The following CTCF variants were observed in gnomAD, a reference collection of about 807,000 sequenced individuals.
CTCF encodes transcriptional repressor CTCF.
CTCF carries 7 observed loss-of-function variants against 72.3 expected under a neutral mutation model. The observed-to-expected ratio is 0.10, with a 90% confidence interval of 0.06 to 0.18. The LOEUF is 0.18. Ranked by LOEUF, CTCF falls within the 10% of genes least tolerant of loss-of-function variation. The pLI is 1.00. For synonymous variants in CTCF, 374 were observed against 315.8 expected (o/e 1.18, Z -1.95); for missense variants, 516 against 949.1 (o/e 0.54, Z 6.00).
chr16:67,617,189 C>A (rs1383633837), intron 5 of CTCF, among the ~76,000 whole-genome samples: 1 of 151,384 alleles, frequency 6.6e-6, no homozygotes, highest in Admixed American at 6.6e-5. Context: ...TGGAGAAACC[C>A]GATCTGTACT....
intron 2 of CTCF, among the ~76,000 whole-genome samples, chr16:67,590,528 A>G (rs2051727911): frequency 1.3e-5 from 2 of 151,928 alleles, no homozygotes; most frequent in Admixed American, 6.6e-5. Context: ...TAGTAGAGAC[A>G]GGGTTTCACT....
At position 67,637,826 on chromosome 16, in the gene CTCF, A is replaced by G. The variant is rs1336970317; in HGVS notation, c.2138A>G (p.Asn713Ser). The G allele has an allele frequency of 6.2e-7, 1 of 1,612,526 alleles. No individual in the cohort carries two copies. Among genetic ancestry groups the G allele is most frequent in the African/African-American group, 1.3e-5 (1 of 74,884 alleles). Residue 713 changes from asparagine (N) to serine (S), a missense_variant, in exon 12 of 12, where the codon AAC (asparagine) becomes AGC (serine). Physicochemically the swap from Asn to Ser is conservative, Grantham distance 46 (BLOSUM62 1). Coordinates refer to ENST00000264010, the MANE Select transcript of CTCF (RefSeq NM_006565.4). ...EAQPAATDAPNGDLTPEMILS... is the reference protein window; with the variant it reads ...EAQPAATDAPSGDLTPEMILS... ...CAGCCAGCTGCCACAGATGCCCCCA[A>G]CGGAGACCTCACGCCCGAGATGATC...
At chr16:67,585,801 A>G (rs1454418616) in intron 2 of CTCF, among the ~76,000 whole-genome samples, 2 of 152,126 alleles carry the variant, frequency 1.3e-5, no homozygotes, top group Non-Finnish European at 2.9e-5. Flanking sequence ...TATCTCTTAT[A>G]TCTTTCTACT....
chr16:67,588,607 A>G (rs891647236), intron 2 of CTCF, among the ~76,000 whole-genome samples: 5 of 152,218 alleles, frequency 3.3e-5, no homozygotes, highest in African/African-American at 9.6e-5. Context: ...GTTGACTCAC[A>G]GATGAGCATT....
chr16:67,634,636 G>A lies in CTCF; in HGVS notation c.1838-2054G>A, dbSNP rs367711400. On this transcript the variant is annotated intron_variant, in intron 10 of 11. Coordinates refer to ENST00000264010, the MANE Select transcript of CTCF (RefSeq NM_006565.4). Reference sequence around the variant, plus strand: ...TGGCTTAAGCAGGCCTCTTGCCTCCGTCTCTTGAGTAGCTGGGACTACAGA... The same window carrying A: ...TGGCTTAAGCAGGCCTCTTGCCTCCATCTCTTGAGTAGCTGGGACTACAGA... Among the ~76,000 whole-genome samples, 10 of 148,702 alleles carry A rather than the reference G, an allele frequency of 6.7e-5. No homozygotes were observed. The South Asian group carries it at 1.3e-3, about 19-fold the overall frequency.
chr16:67,629,745 C>CTTTTT lies in CTCF; in HGVS notation c.1837+212_1837+213insTTTTT, dbSNP rs1567616725. ...TTCGTGGCATTCCGCTCATTAATGC[C>CTTTTT]CTTTTTTTTTTTTTTTTTTTTTTTT... is the stretch of plus-strand genomic sequence containing the variant. On this transcript the variant is annotated intron_variant, in intron 10 of 11. Transcript: ENST00000264010. Among the ~76,000 whole-genome samples the CTTTTT allele has an allele frequency of 6.2e-4, 53 of 85,062 alleles. 2 individuals are homozygous for CTTTTT. The highest frequency in any genetic ancestry group is 9.0e-4 in the Non-Finnish European group (39 of 43,560). The allele number at this position is 85,062 out of a possible 152,430, so 55.8% of individuals were successfully genotyped here.
chr16:67,585,534 C>T (rs2051658312), intron 2 of CTCF, among the ~76,000 whole-genome samples: 1 of 152,184 alleles, frequency 6.6e-6, no homozygotes, highest in African/African-American at 2.4e-5. Context: ...CAGAATCCTT[C>T]AATAATCTTT....
In CTCF at chr16:67,636,850, G is replaced by C. The variant is rs1275809540; in HGVS notation, c.1998G>C (p.Gln666His). 6.4e-7 allele frequency: 1 copy of C among 1,570,668 alleles called. No homozygotes were observed. The highest frequency in any genetic ancestry group is 8.7e-7 in the Non-Finnish European group (1 of 1,155,766). Residue 666 changes from glutamine (Q) to histidine (H), a missense_variant and splice_region_variant, in exon 11 of 12, where the codon CAG becomes CAC. Physicochemically the swap from Gln to His is conservative, Grantham distance 24. Around this residue, in one of 7 missense-constraint regions of CTCF, gnomAD observed 157 missense variants for 172.9 expected, o/e 0.91. Transcript: ENST00000264010. ...GAACCAACCAGCCCAAACAGAACCA[G>C]CGTAAGTTGTTCATCTCTGCTCTGG... ...PGRTNQPKQNQPTAIIQVEDQ... is the reference protein window; with the variant it reads ...PGRTNQPKQNHPTAIIQVEDQ...
At chr16:67,575,355 C>T (rs1344256512) in intron 2 of CTCF, among the ~76,000 whole-genome samples, 2 of 151,962 alleles carry the variant, frequency 1.3e-5, no homozygotes, top group African/African-American at 4.8e-5. Context: ...ATTTTAATCC[C>T]ATTAGGACTC....
rs765569053 is a variant in CTCF, at chr16:67,610,819, T to C, written c.-9-5T>C. On this transcript the variant is annotated splice_region_variant and splice_polypyrimidine_tract_variant and intron_variant, in intron 2 of 11. Coordinates refer to ENST00000264010, the MANE Select transcript of CTCF (RefSeq NM_006565.4). The stretch of plus-strand genomic sequence containing the variant: ...AATAACAATCTGTGTTCTCCCTTAA[T>C]AAAGGCAGGGGAAATGGAAGGTGAT... The C allele has an allele frequency of 4.4e-5, 64 of 1,456,402 alleles. No individual in the cohort carries two copies. Among genetic ancestry groups the C allele is most frequent in the Non-Finnish European group, 5.2e-5 (57 of 1,100,220 alleles). The allele number at this position is 1,456,402 out of a possible 1,614,324, so 90.2% of individuals were successfully genotyped here.
At chr16:67,581,505 A>T (rs2051582019) in intron 2 of CTCF, among the ~76,000 whole-genome samples, 1 of 151,146 alleles carries the variant, frequency 6.6e-6, no homozygotes, top group East Asian at 2.0e-4. Flanking sequence ...TTTTATTTTT[A>T]TTTTATTTAT....
At chr16:67,604,205 A>C (rs965203486) in intron 2 of CTCF, among the ~76,000 whole-genome samples, 4 of 151,962 alleles carry the variant, frequency 2.6e-5, no homozygotes, top group East Asian at 1.9e-4. Context: ...GCTACTTGGC[A>C]GACTGAGGCA....
chr16:67,597,341 CT>C (rs113177518), intron 2 of CTCF, among the ~76,000 whole-genome samples: 1,507 of 146,454 alleles, frequency 0.01, 25 homozygotes, highest in African/African-American at 0.034. Flanking sequence ...GCCACTAATG[CT>C]TTTTTTTTTT....
chr16:67,597,912 T>C (rs892418863), intron 2 of CTCF, among the ~76,000 whole-genome samples: 7 of 152,088 alleles, frequency 4.6e-5, no homozygotes, highest in Non-Finnish European at 1.0e-4. Context: ...CTTAGTGAGG[T>C]TTTTTAAATG....
intron 1 of CTCF, chr16:67,568,232 A>G (rs796644720): frequency 4.6e-5 from 7 of 151,826 alleles, no homozygotes; most frequent in African/African-American, 1.7e-4. Flanking sequence ...GGTGCCTGCC[A>G]CCGTGCCGAG....
chr16:67,600,911 A>G (rs893805839), intron 2 of CTCF, among the ~76,000 whole-genome samples: 2 of 152,192 alleles, frequency 1.3e-5, no homozygotes, highest in African/African-American at 4.8e-5. Context: ...TTGGTCCACA[A>G]AAAATATTTG....
chr16:67,602,203 C>G (rs944382900), intron 2 of CTCF, among the ~76,000 whole-genome samples: 15 of 152,122 alleles, frequency 9.9e-5, no homozygotes, highest in African/African-American at 3.6e-4. Flanking sequence ...TTTTCAAATT[C>G]ACACCAGAGA....
At chr16:67,612,297 G>A (rs947100053) in intron 4 of CTCF, 176 bp downstream of exon 4, 1 of 509,358 alleles carries the variant, frequency 2.0e-6, no homozygotes, top group Admixed American at 4.2e-5. Context: ...ATAGACAAAT[G>A]TAAAGAAAAT....
Position 67,629,746 on chromosome 16 carries a change from C to CTTTTTTTTTTTTTTTTTT in CTCF, c.1837+242_1837+259dup, listed in dbSNP as rs71145978. On this transcript the variant is annotated intron_variant, in intron 10 of 11. Transcript: ENST00000264010. ...TCGTGGCATTCCGCTCATTAATGCCCTTTTTTTTTTTTTTTTTTTTTTTTT... is the reference window on the plus strand; with the variant it reads ...TCGTGGCATTCCGCTCATTAATGCCCTTTTTTTTTTTTTTTTTTTTTTTTTTTTTTTTTTTTTTTTTTT... Among the ~76,000 whole-genome samples the CTTTTTTTTTTTTTTTTTT allele has an allele frequency of 1.7e-4, 11 of 63,364 alleles. 4 individuals carry two copies. Among genetic ancestry groups the CTTTTTTTTTTTTTTTTTT allele is most frequent in the Non-Finnish European group, 2.1e-4 (7 of 34,120 alleles). 41.6% of individuals were successfully genotyped at this position (63,364 alleles called of 152,430 possible).
Sources: allele counts gnomAD v4.1 joint callset (sites outside exome capture counted in the v4.1 genomes callset), GRCh38; gene constraint gnomAD v4.1.1; regional missense constraint gnomAD v4.1.1; transcripts MANE v1.5; gene names NCBI Gene and HGNC (gene_info 2026-07-23, HGNC 2026-07-21).